The following KANK1 variants were observed in gnomAD, a reference collection of about 807,000 sequenced individuals.
The protein encoded by KANK1 is KN motif and ankyrin repeat domain-containing protein 1.
KANK1 carries 109 observed loss-of-function variants against 106.2 expected under a neutral mutation model. The ratio of observed to expected loss-of-function variants is 1.03; its 90% CI spans 0.88 to 1.20. KANK1 has a LOEUF of 1.20. Among genes scored for constraint, KANK1 ranks in the 50% most tolerant of loss-of-function variants. KANK1 has a pLI of 0.00. For synonymous variants in KANK1, 873 were observed against 652.2 expected (o/e 1.34, Z -5.16); for missense variants, 2,399 against 1,710.7 (o/e 1.40, Z -7.10).
intron 3 of KANK1, among the ~76,000 whole-genome samples, chr9:720,873 C>T (rs373403115): frequency 5.9e-5 from 9 of 152,298 alleles, no homozygotes; most frequent in Admixed American, 5.2e-4. Flanking sequence ...CCATTAGTGG[C>T]CCAGGGCTGT....
chr9:739,127 A>G (rs940256273), intron 8 of KANK1, among the ~76,000 whole-genome samples: 17 of 152,234 alleles, frequency 1.1e-4, no homozygotes, highest in African/African-American at 4.1e-4. Context: ...GCCAGTGGAC[A>G]TCTTAGACAT....
At chr9:727,356 C>T (rs1029467895) in intron 3 of KANK1, among the ~76,000 whole-genome samples, 3 of 152,042 alleles carry the variant, frequency 2.0e-5, no homozygotes, top group Non-Finnish European at 4.4e-5. Flanking sequence ...CGCTCTGCCG[C>T]CCAGGCTGGA....
rs752999934 is a variant in KANK1, at chr9:676,986, C to G, written c.14C>G (p.Thr5Arg). The G allele has an allele frequency of 5.6e-6, 9 of 1,613,862 alleles. No homozygotes were observed. Among genetic ancestry groups the G allele is most frequent in the Admixed American group, 1.7e-5 (1 of 60,002 alleles). Residue 5 changes from threonine (T) to arginine (R), a missense_variant, in exon 2 of 12, where the codon ACA becomes AGA. Physicochemically the swap from Thr to Arg is moderately conservative, Grantham distance 71. Coordinates refer to ENST00000382297, the MANE Select transcript of KANK1 (RefSeq NM_015158.5). ...ACTCAAGCCAGCATGGCTCACACCA[C>G]AAAGGTTAACGGCAGTGCCTCAGGT... MAHT[T>R]KVNGSASGKA... is the part of the protein sequence containing the mutation.
chr9:705,790 G>A (rs1395422753), intron 2 of KANK1, among the ~76,000 whole-genome samples: 1 of 151,740 alleles, frequency 6.6e-6, no homozygotes, highest in African/African-American at 2.4e-5. Context: ...AGTGGAGATG[G>A]GGTTTCACCA....
chr9:670,966 T>G (rs200526957), intron 1 of KANK1, among the ~76,000 whole-genome samples: 10 of 118,206 alleles, frequency 8.5e-5, no homozygotes, highest in South Asian at 3.0e-4. Flanking sequence ...TTTTTTTTTT[T>G]TTTTTTTTTT....
intron 5 of KANK1, 49 bp from the exon 6 acceptor site, chr9:732,329 G>C: frequency 1.3e-6 from 2 of 1,570,124 alleles, no homozygotes; most frequent in Non-Finnish European, 1.7e-6. Context: ...CTATCACTGG[G>C]TCTTCGTGAG....
intron 1 of KANK1, among the ~76,000 whole-genome samples, chr9:675,023 AATG>A (rs34403848): frequency 0.73 from 110,314 of 151,776 alleles, 41,703 homozygotes; most frequent in African/African-American, 0.92. Flanking sequence ...TATTTTTAAT[AATG>A]ATTATTATTA....
chr9:668,230 A>T (rs1170644508), intron 1 of KANK1, among the ~76,000 whole-genome samples: 1 of 152,076 alleles, frequency 6.6e-6, no homozygotes, highest in African/African-American at 2.4e-5. Flanking sequence ...TATCAGTTGG[A>T]CCTATTTGGT....
Position 673,200 on chromosome 9 carries a change from CTTTTT to C in KANK1, c.-83-3668_-83-3664del, listed in dbSNP as rs542647158. Among the ~76,000 whole-genome samples the C allele has an allele frequency of 6.6e-4, 65 of 97,850 alleles. 1 individual carries two copies. The highest frequency in any genetic ancestry group is 9.8e-4 in the Non-Finnish European group (45 of 45,808). 64.2% of individuals were successfully genotyped at this position (97,850 alleles called of 152,430 possible). A position where few individuals can be genotyped will look rare whatever the true frequency, so the allele number is the denominator to read the frequency against. On this transcript the variant is annotated intron_variant, in intron 1 of 11. Coordinates refer to ENST00000382297, the MANE Select transcript of KANK1 (RefSeq NM_015158.5). ...GATTCACACCCAGTGACAGTGTCTT[CTTTTT>C]TTTTTTTTTTTTTTTTTTTTTGAGA...
chr9:597,259 A>G (rs188362288), intron 1 of KANK1, among the ~76,000 whole-genome samples: 4 of 151,966 alleles, frequency 2.6e-5, no homozygotes, highest in East Asian at 3.9e-4. Context: ...TTGCTGGGTT[A>G]TATGGCAAGT....
intron 2 of KANK1, among the ~76,000 whole-genome samples, chr9:683,488 A>C (rs1429784584): frequency 6.6e-6 from 1 of 152,210 alleles, no homozygotes; most frequent in Non-Finnish European, 1.5e-5. Context: ...CAAGTTGCTG[A>C]GCTCACACAG....
Position 712,218 on chromosome 9 carries a change from G to A in KANK1, c.1452G>A (p.Glu484=), listed in dbSNP as rs753349179. The A allele has an allele frequency of 7.4e-6, 12 of 1,614,188 alleles. No homozygotes were observed. Among genetic ancestry groups the A allele is most frequent in the Non-Finnish European group, 1.0e-5 (12 of 1,180,016 alleles). ...VQLRETTHDR[E]MTKLKQELQA... is the part of the protein sequence containing the mutation. ...TTAGAGAAACCACCCATGACCGGGAGATGACTAAACTGAAACAAGAGCTGC... is the reference window on the plus strand; with the variant it reads ...TTAGAGAAACCACCCATGACCGGGAAATGACTAAACTGAAACAAGAGCTGC... Residue 484 remains glutamate (E), a synonymous_variant, in exon 3 of 12, where the codon GAG becomes GAA. Transcript: ENST00000382297.
chr9:651,518 G>T (rs1337096291), intron 1 of KANK1, among the ~76,000 whole-genome samples: 1 of 152,100 alleles, frequency 6.6e-6, no homozygotes, highest in Non-Finnish European at 1.5e-5. Context: ...ACCATGCATT[G>T]GATACATCCT....
chr9:638,420 T>A (rs982246791), intron 1 of KANK1, among the ~76,000 whole-genome samples: 3 of 152,186 alleles, frequency 2.0e-5, no homozygotes, highest in Admixed American at 6.5e-5. Flanking sequence ...ATCTTGCCTT[T>A]CAGTAAGGTA....
At chr9:654,915 T>G (rs965331212) in intron 1 of KANK1, among the ~76,000 whole-genome samples, 1 of 152,108 alleles carries the variant, frequency 6.6e-6, no homozygotes, top group Admixed American at 6.5e-5. Flanking sequence ...ATGGTGATGC[T>G]GCTGATCTCG....
At chr9:665,226 C>CA (rs1340871260) in intron 1 of KANK1, among the ~76,000 whole-genome samples, 1 of 152,112 alleles carries the variant, frequency 6.6e-6, no homozygotes, top group Admixed American at 6.5e-5. Flanking sequence ...AGAACTTAAA[C>CA]AAAAAATTTT....
At chr9:635,847 C>T (rs1421741738) in intron 1 of KANK1, among the ~76,000 whole-genome samples, 1 of 151,736 alleles carries the variant, frequency 6.6e-6, no homozygotes, top group East Asian at 1.9e-4. Context: ...TACAGGTGCA[C>T]ACCACTTTAG....
intron 1 of KANK1, among the ~76,000 whole-genome samples, chr9:676,426 A>G (rs187455472): frequency 2.0e-4 from 30 of 152,224 alleles, no homozygotes; most frequent in Non-Finnish European, 4.1e-4. Context: ...GACTTCGGAT[A>G]TCTCAAAAGA....
chr9:564,846 T>C (rs1227128160), intron 1 of KANK1, among the ~76,000 whole-genome samples: 2 of 152,240 alleles, frequency 1.3e-5, no homozygotes, highest in African/African-American at 4.8e-5. Context: ...GTGAGTCTCA[T>C]TGACATACAG....
Sources: allele counts gnomAD v4.1 joint callset (sites outside exome capture counted in the v4.1 genomes callset), GRCh38; gene constraint gnomAD v4.1.1; transcripts MANE v1.5; gene names NCBI Gene and HGNC (gene_info 2026-07-23, HGNC 2026-07-21).